P2RY12: variants seen among roughly 807,000 people sequenced by gnomAD.
P2RY12 encodes the protein purinergic receptor P2Y12, also known as P2Y purinoceptor 12.
Under a neutral mutation model 4.5 loss-of-function variants are expected in P2RY12, and 3 were observed. That is an observed-to-expected ratio of 0.67 (90% CI 0.31 to 1.74). The LOEUF is 1.74. P2RY12 is among the 40% of genes most tolerant of loss of function. P2RY12 has a pLI of 0.09. For missense variants in P2RY12, 356 were observed against 407.8 expected (o/e 0.87, Z 1.09); for synonymous variants, 148 against 154.1 (o/e 0.96, Z 0.29).
chr3:151,377,972 A>G (rs1216830466), intron 1 of P2RY12: 2 of 1,531,150 alleles, frequency 1.3e-6, no homozygotes, highest in Non-Finnish European at 8.8e-7. Flanking sequence ...AGCAGGGGAA[A>G]GGATGCTTTC....
chr3:151,369,053 A>T (rs539457365), intron 1 of P2RY12, among the ~76,000 whole-genome samples: 1 of 151,968 alleles, frequency 6.6e-6, no homozygotes, highest in Admixed American at 6.6e-5. Flanking sequence ...GAGCCACCGC[A>T]CCCATCCCTC....
chr3:151,357,184 T>A, intron 1 of P2RY12: 4 of 1,548,124 alleles, frequency 2.6e-6, no homozygotes, highest in Non-Finnish European at 2.6e-6. Context: ...GGCACCTACA[T>A]GTTTATTCAG....
chr3:151,365,699 A>G (rs550455841), intron 1 of P2RY12: 4 of 673,164 alleles, frequency 5.9e-6, no homozygotes, highest in Non-Finnish European at 9.4e-6. Context: ...TCAAGGTTCT[A>G]CTAAGTTATT....
intron 2 of P2RY12, among the ~76,000 whole-genome samples, chr3:151,339,276 C>T (rs997339116): frequency 6.6e-6 from 1 of 151,998 alleles, no homozygotes; most frequent in South Asian, 2.1e-4. Flanking sequence ...CCCCCAACGT[C>T]CTTATTTCTG....
intron 1 of P2RY12, among the ~76,000 whole-genome samples, chr3:151,373,574 C>G (rs1054678071): frequency 6.6e-6 from 1 of 150,890 alleles, no homozygotes; most frequent in African/African-American, 2.4e-5. Flanking sequence ...TTTTTTTTCC[C>G]CAACTTCTCC....
chr3:151,343,382 G>T (rs1294084760), intron 1 of P2RY12, among the ~76,000 whole-genome samples: 1 of 152,136 alleles, frequency 6.6e-6, no homozygotes, highest in Admixed American at 6.6e-5. Flanking sequence ...TAAAAGAAGG[G>T]CTTCAGTTCT....
At chr3:151,339,029 C>T (rs1283771454) in intron 2 of P2RY12, among the ~76,000 whole-genome samples, 170 bp from the exon 3 acceptor site, 3 of 152,110 alleles carry the variant, frequency 2.0e-5, no homozygotes, top group African/African-American at 4.8e-5. Flanking sequence ...TATTTCATTG[C>T]AGCAAATATT....
intron 1 of P2RY12, among the ~76,000 whole-genome samples, chr3:151,371,611 G>T (rs1756197355): frequency 6.6e-6 from 1 of 152,074 alleles, no homozygotes; most frequent in Non-Finnish European, 1.5e-5. Context: ...GTTTTAAAAG[G>T]CTTTTTCCAT....
chr3:151,361,935 A>G (rs1386995302), intron 1 of P2RY12, among the ~76,000 whole-genome samples: 1 of 152,142 alleles, frequency 6.6e-6, no homozygotes, highest in Non-Finnish European at 1.5e-5. Flanking sequence ...TTTTGAGGAC[A>G]ATTATTTACT....
chr3:151,351,091 C>T (rs1753186458), intron 1 of P2RY12, among the ~76,000 whole-genome samples: 2 of 152,126 alleles, frequency 1.3e-5, no homozygotes, highest in Admixed American at 1.3e-4. Flanking sequence ...CCTCTAGGAG[C>T]CCTACTGTTC....
chr3:151,382,609 T>A, intron 1 of P2RY12: 2 of 1,391,680 alleles, frequency 1.4e-6, no homozygotes, highest in Non-Finnish European at 2.0e-6. Flanking sequence ...TATCTTTAAA[T>A]GAGAGAAAAA....
At chr3:151,356,197 T>G (rs930033025) in intron 1 of P2RY12, among the ~76,000 whole-genome samples, 1 of 152,024 alleles carries the variant, frequency 6.6e-6, no homozygotes, top group African/African-American at 2.4e-5. Context: ...TCTAGGAGTT[T>G]TAGACCAGCC....
intron 1 of P2RY12, chr3:151,376,902 G>C (rs1359549967): frequency 1.9e-6 from 3 of 1,612,442 alleles, no homozygotes; most frequent in Admixed American, 1.7e-5. Flanking sequence ...GCTTATCTCT[G>C]TATGAAATTT....
chr3:151,340,922 A>G lies in P2RY12; in HGVS notation c.-179-162T>C, dbSNP rs149686576. 12 of 152,310 alleles carry G rather than the reference A, an allele frequency of 7.9e-5. No individual in the cohort carries two copies. The East Asian group carries it at 2.3e-3, about 29-fold the overall frequency. 9.4% of individuals were successfully genotyped at this position (152,310 alleles called of 1,614,324 possible). ...GTGGGATGAGGATGGCTGAGAAGTC[A>G]TCTTTTAAAAAGCAATTTAAAATCT... On this transcript the variant is annotated intron_variant, in intron 1 of 2. Coordinates refer to ENST00000302632, the MANE Select transcript of P2RY12 (RefSeq NM_022788.5).
At chr3:151,374,925 G>A (rs540758397) in intron 1 of P2RY12, among the ~76,000 whole-genome samples, 3 of 151,812 alleles carry the variant, frequency 2.0e-5, no homozygotes, top group African/African-American at 7.3e-5. Context: ...TGTTTTAAAA[G>A]TTCTCTTATA....
At chr3:151,374,947 A>G (rs994327293) in intron 1 of P2RY12, among the ~76,000 whole-genome samples, 39 of 152,230 alleles carry the variant, frequency 2.6e-4, no homozygotes, top group African/African-American at 8.9e-4. Context: ...AAAAAAAGTG[A>G]CATACCTTAT....
intron 1 of P2RY12, chr3:151,376,315 T>C (rs1304430758): frequency 1.0e-6 from 1 of 972,278 alleles, no homozygotes; most frequent in East Asian, 3.0e-5. Context: ...ATTTGTGATT[T>C]CAATTCTGAT....
At position 151,375,962 on chromosome 3, in the gene P2RY12, A is replaced by G. The variant is rs1439734237; in HGVS notation, c.-180+8730T>C. ...TTCAATTATGCACTGTGGATTTAGT[A>G]CATATTGCATATATATATACCGAAA... On this transcript the variant is annotated intron_variant, in intron 1 of 2. Coordinates refer to ENST00000302632, the MANE Select transcript of P2RY12 (RefSeq NM_022788.5). 4 of 643,126 alleles carry G rather than the reference A, an allele frequency of 6.2e-6. No homozygotes were observed. The African/African-American group carries it at 7.9e-5, about 13-fold the overall frequency. 39.8% of individuals were successfully genotyped at this position (643,126 alleles called of 1,614,324 possible). A position where few individuals can be genotyped will look rare whatever the true frequency, so the allele number is the denominator to read the frequency against.
chr3:151,363,984 A>G (rs1204838323), intron 1 of P2RY12, among the ~76,000 whole-genome samples: 2 of 152,154 alleles, frequency 1.3e-5, no homozygotes, highest in Non-Finnish European at 2.9e-5. Context: ...CATTGATGCA[A>G]GTATATAACA....
Sources: allele counts gnomAD v4.1 joint callset (sites outside exome capture counted in the v4.1 genomes callset), GRCh38; gene constraint gnomAD v4.1.1; transcripts MANE v1.5; gene names NCBI Gene and HGNC (gene_info 2026-07-23, HGNC 2026-07-21).